The following MMS19 variants were observed in gnomAD, a reference collection of about 807,000 sequenced individuals.
MMS19 encodes the protein MMS19 nucleotide excision repair protein homolog.
A neutral mutation model predicts 129.8 loss-of-function variants in MMS19; 77 were observed. The observed-to-expected ratio is 0.59, with a 90% CI of 0.49 to 0.72. MMS19 has a LOEUF of 0.72. Among genes scored for constraint, MMS19 ranks in the 30% least tolerant of loss-of-function variants. The pLI is 0.00. For synonymous variants in MMS19, 491 were observed against 502.8 expected (o/e 0.98, Z 0.31); for missense variants, 1,168 against 1,266.3 (o/e 0.92, Z 1.18).
chr10:97,469,489 T>C (rs1255829895), intron 11 of MMS19, among the ~76,000 whole-genome samples, 157 bp downstream of exon 11: 1 of 152,224 alleles, frequency 6.6e-6, no homozygotes, highest in African/African-American at 2.4e-5. Context: ...TCTCTTGTCA[T>C]TCAACTAGAA....
At chr10:97,493,177 T>C (rs1377686748) in intron 1 of MMS19, among the ~76,000 whole-genome samples, 1 of 151,992 alleles carries the variant, frequency 6.6e-6, no homozygotes, top group African/African-American at 2.4e-5. Flanking sequence ...GCTGGGCTGA[T>C]TTTTAAAGAT....
intron 1 of MMS19, among the ~76,000 whole-genome samples, chr10:97,496,800 G>C (rs7068965): frequency 6.6e-6 from 1 of 151,900 alleles, no homozygotes; most frequent in African/African-American, 2.4e-5. Flanking sequence ...AAAATAAACC[G>C]TCAACAAACT....
intron 8 of MMS19, among the ~76,000 whole-genome samples, chr10:97,472,051 A>G (rs2034821050): frequency 6.6e-6 from 1 of 151,320 alleles, no homozygotes; most frequent in Non-Finnish European, 1.5e-5. Context: ...CCAGATTGAC[A>G]GGGCCTACTA....
intron 4 of MMS19, 89 bp downstream of exon 4, chr10:97,478,215 A>C (rs2036127641): frequency 9.6e-7 from 1 of 1,038,812 alleles, no homozygotes. Flanking sequence ...GCTCCTCAGC[A>C]TGTGAACCAT....
At chr10:97,459,817 T>A (rs1031344283) in intron 26 of MMS19, 76 bp from the exon 27 acceptor site, 5 of 1,238,296 alleles carry the variant, frequency 4.0e-6, no homozygotes, top group Non-Finnish European at 5.8e-6. Flanking sequence ...CAATCTGTGG[T>A]GAGGCTGAGA....
At position 97,473,981 on chromosome 10, in the gene MMS19, G is replaced by GAA. The variant is rs29001297; in HGVS notation, c.684+2700_684+2701dup. On this transcript the variant is annotated intron_variant, in intron 8 of 30. Coordinates refer to ENST00000438925, the MANE Select transcript of MMS19 (RefSeq NM_022362.5). ...AACATGGCAAAATCCTGTCTCTATA[G>GAA]AAAAATACAACAATTAGTCGGGAGT... 2.3e-3 allele frequency among the ~76,000 whole-genome samples: 344 copies of GAA among 151,672 alleles called. 2 individuals carry two copies. Among genetic ancestry groups the GAA allele is most frequent in the African/African-American group, 8.2e-3 (338 of 41,326 alleles).
At chr10:97,494,691 G>C (rs1173420096) in intron 1 of MMS19, among the ~76,000 whole-genome samples, 2 of 152,132 alleles carry the variant, frequency 1.3e-5, no homozygotes, top group African/African-American at 2.4e-5. Context: ...CAAATTCAAC[G>C]TGTTCAAAAA....
intron 14 of MMS19, among the ~76,000 whole-genome samples, 200 bp downstream of exon 14, chr10:97,467,305 T>A (rs2033716812): frequency 6.6e-6 from 1 of 152,134 alleles, no homozygotes; most frequent in African/African-American, 2.4e-5. Flanking sequence ...AAGAGCTTAA[T>A]CCATTGGGTA....
chr10:97,485,041 C>G (rs2037569332), intron 1 of MMS19, among the ~76,000 whole-genome samples: 1 of 152,210 alleles, frequency 6.6e-6, no homozygotes, highest in Admixed American at 6.5e-5. Context: ...TCCCAAAGTG[C>G]TGGGATTACA....
intron 3 of MMS19, chr10:97,480,127 C>T (rs796094121): frequency 5.0e-5 from 18 of 363,370 alleles, no homozygotes; most frequent in African/African-American, 3.0e-4. Flanking sequence ...TTAAAAGGCT[C>T]GGGTAGGAGG....
rs150195707 is a variant in MMS19 at position 97,469,585 on chromosome 10, T to C, written c.924+61A>G. 949 of 1,377,936 alleles carry C rather than the reference T, an allele frequency of 6.9e-4. 3 individuals carry two copies. The highest frequency in any genetic ancestry group is 8.9e-4 in the Non-Finnish European group (863 of 968,010). The allele number at this position is 1,377,936 out of a possible 1,614,324, so 85.4% of individuals were successfully genotyped here. On this transcript the variant is annotated intron_variant, in intron 11 of 30. Coordinates refer to ENST00000438925, the MANE Select transcript of MMS19 (RefSeq NM_022362.5). ...AGAGGGAAAAGGACAGGATGTATTA[T>C]TTCCCCTCATGCCTGACAATTGAAA...
intron 1 of MMS19, among the ~76,000 whole-genome samples, chr10:97,484,539 T>C (rs1188717262): frequency 6.6e-6 from 1 of 152,138 alleles, no homozygotes; most frequent in African/African-American, 2.4e-5. Flanking sequence ...CTGTTTATAA[T>C]AGCGAAAAAA....
intron 1 of MMS19, among the ~76,000 whole-genome samples, chr10:97,496,405 TC>T (rs2039787245): frequency 6.6e-6 from 1 of 151,354 alleles, no homozygotes; most frequent in African/African-American, 2.4e-5. Flanking sequence ...CCCAGCTACT[TC>T]GGGAGGCTTG....
chr10:97,488,519 T>C (rs1319953117), intron 1 of MMS19, among the ~76,000 whole-genome samples: 2 of 152,188 alleles, frequency 1.3e-5, no homozygotes, highest in Non-Finnish European at 2.9e-5. Flanking sequence ...CTGTGGATGC[T>C]CAAGACCCTT....
chr10:97,470,291 A>C (rs902769428), intron 9 of MMS19, 88 bp from the exon 10 acceptor site: 14 of 892,152 alleles, frequency 1.6e-5, no homozygotes, highest in Non-Finnish European at 2.6e-5. Context: ...TCAGTCCCTA[A>C]AAGCAGGTAC....
Position 97,458,713 on chromosome 10 carries a change from C to G in MMS19, c.3072G>C (p.Leu1024=). The G allele has an allele frequency of 6.2e-7, 1 of 1,610,666 alleles. No homozygotes were observed. Among genetic ancestry groups the G allele is most frequent in the Non-Finnish European group, 8.5e-7 (1 of 1,178,328 alleles). Residue 1024 remains leucine, a synonymous_variant, in exon 31 of 31, where the codon CTG becomes CTC. Transcript: ENST00000438925. ...GGGCTCAGCTGCCAGGGCTCCCCAA[C>G]AGAAACCTGTAGGCAAAAAGAAAGT... ...EAVSARGEWF[L]LGSPGS
At chr10:97,480,415 C>T (rs1367236799) in intron 3 of MMS19, 2 of 427,998 alleles carry the variant, frequency 4.7e-6, no homozygotes, top group Non-Finnish European at 9.2e-6. Flanking sequence ...AGTTTGCCTA[C>T]CCCTGCTATA....
intron 25 of MMS19, 62 bp downstream of exon 25, chr10:97,460,633 A>G: frequency 7.3e-7 from 1 of 1,370,956 alleles, no homozygotes; most frequent in Non-Finnish European, 1.0e-6. Flanking sequence ...CCTTGGGAGG[A>G]ATAGGAGCAA....
chr10:97,498,299 T>C lies in MMS19; in HGVS notation c.86A>G (p.Glu29Gly). 6.4e-7 allele frequency: 1 copy of C among 1,571,354 alleles called. No individual in the cohort carries two copies. The highest frequency in any genetic ancestry group is 8.6e-7 in the Non-Finnish European group (1 of 1,165,738). ...TGCAGCCACCTGGTCAGCGGGGCCC[T>C]CTTGCTGACCCACGACGAAGTCGTG... is the stretch of plus-strand genomic sequence containing the variant. The part of the protein sequence containing the change: ...LVHDFVVGQQ[E>G]GPADQVAADV... The change falls in exon 1 of 31, where the codon GAG becomes GGG. Residue 29 changes from glutamate (E) to glycine (G), a missense_variant. This residue lies in a region of MMS19 where 329 missense variants were observed against 328.6 expected (regional missense o/e 1.00). Coordinates refer to ENST00000438925, the MANE Select transcript of MMS19 (RefSeq NM_022362.5).
Sources: allele counts gnomAD v4.1 joint callset (sites outside exome capture counted in the v4.1 genomes callset), GRCh38; gene constraint gnomAD v4.1.1; regional missense constraint gnomAD v4.1.1; transcripts MANE v1.5; gene names NCBI Gene and HGNC (gene_info 2026-07-23, HGNC 2026-07-21).